CHSY3: variants seen among roughly 807,000 people sequenced by gnomAD.
CHSY3 encodes N-acetylgalactosaminyl-proteoglycan 3-beta-glucuronosyltransferase 3.
In CHSY3, 35 loss-of-function variants were observed where a neutral mutation model predicts 67.2. The observed-to-expected ratio is 0.52, with a 90% confidence interval of 0.40 to 0.69. The LOEUF (loss-of-function observed/expected upper bound fraction) is 0.69, where lower values mean the gene tolerates loss of function less well. CHSY3 is among the 30% of genes least tolerant of loss of function. The pLI is 0.00. For synonymous variants in CHSY3, 474 were observed against 434.7 expected (o/e 1.09, Z -1.12); for missense variants, 1,069 against 1,138.5 (o/e 0.94, Z 0.88).
intron 2 of CHSY3, among the ~76,000 whole-genome samples, chr5:129,924,785 G>T (rs563102180): frequency 6.6e-6 from 1 of 152,152 alleles, no homozygotes; most frequent in Admixed American, 6.5e-5. Flanking sequence ...AGAAGTGCAT[G>T]CACTTCTATG....
chr5:130,050,814 G>A (rs1765319615), intron 2 of CHSY3, among the ~76,000 whole-genome samples: 1 of 152,162 alleles, frequency 6.6e-6, no homozygotes, highest in Admixed American at 6.6e-5. Context: ...AGGAAAACCA[G>A]CCAGCAGAAT....
chr5:130,075,357 G>T (rs73785870), intron 2 of CHSY3, among the ~76,000 whole-genome samples: 75 of 152,186 alleles, frequency 4.9e-4, no homozygotes, highest in African/African-American at 1.8e-3. Flanking sequence ...AATTCAAAGA[G>T]ATGGGTCTCT....
intron 2 of CHSY3, among the ~76,000 whole-genome samples, chr5:130,183,673 C>G (rs1770317124): frequency 6.6e-6 from 1 of 152,052 alleles, no homozygotes; most frequent in African/African-American, 2.4e-5. Flanking sequence ...CATTTGTGCT[C>G]TCACTCATAT....
At chr5:130,099,653 G>A (rs933884746) in intron 2 of CHSY3, among the ~76,000 whole-genome samples, 1 of 152,118 alleles carries the variant, frequency 6.6e-6, no homozygotes, top group Non-Finnish European at 1.5e-5. Context: ...TTTTGCACTG[G>A]TGTGAGGAGC....
At chr5:129,905,908 T>TACACA in intron 1 of CHSY3, 36 of 627,212 alleles carry the variant, frequency 5.7e-5, no homozygotes, top group South Asian at 1.8e-4. Flanking sequence ...TCCCTTAGTC[T>TACACA]TTACCTCGTC....
intron 2 of CHSY3, among the ~76,000 whole-genome samples, chr5:130,034,885 C>G (rs1422036667): frequency 6.6e-6 from 1 of 151,884 alleles, no homozygotes; most frequent in Non-Finnish European, 1.5e-5. Flanking sequence ...ATAGCAAGTG[C>G]AAAGGTTTTG....
At chr5:129,947,609 G>A (rs555950734) in intron 2 of CHSY3, among the ~76,000 whole-genome samples, 3 of 140,162 alleles carry the variant, frequency 2.1e-5, no homozygotes, top group Admixed American at 1.5e-4. Context: ...AGCACATAGC[G>A]AGACTCCATC....
At chr5:130,123,909 A>T (rs1414575926) in intron 2 of CHSY3, among the ~76,000 whole-genome samples, 1 of 151,854 alleles carries the variant, frequency 6.6e-6, no homozygotes, top group South Asian at 2.1e-4. Flanking sequence ...TACAAAAAAA[A>T]TTAGCCGGGT....
chr5:129,932,125 T>TAA (rs1172344588), intron 2 of CHSY3, among the ~76,000 whole-genome samples: 7 of 143,728 alleles, frequency 4.9e-5, no homozygotes, highest in African/African-American at 1.8e-4. Context: ...TATATATATA[T>TAA]ATATATATAT....
chr5:130,067,928 C>G (rs1049306626), intron 2 of CHSY3, among the ~76,000 whole-genome samples: 1 of 152,088 alleles, frequency 6.6e-6, no homozygotes. Context: ...TAAATCCAAG[C>G]CATAGTTTAG....
chr5:130,052,173 TACTGG>T (rs1194467842), intron 2 of CHSY3: 1 of 152,114 alleles, frequency 6.6e-6, no homozygotes, highest in Non-Finnish European at 1.5e-5. Flanking sequence ...TAGACAGAGG[TACTGG>T]ACTCCCTGTC....
chr5:130,013,896 G>A (rs10223209), intron 2 of CHSY3, among the ~76,000 whole-genome samples: 1 of 152,106 alleles, frequency 6.6e-6, no homozygotes, highest in Non-Finnish European at 1.5e-5. Context: ...CGCATCATCA[G>A]GCGGAAAATT....
intron 2 of CHSY3, among the ~76,000 whole-genome samples, chr5:129,919,113 C>CAAA (rs35333880): frequency 0.21 from 14,668 of 71,448 alleles, 2,688 homozygotes; most frequent in South Asian, 0.28. Flanking sequence ...GACTCCGTCT[C>CAAA]AAAAAAAAAA....
intron 2 of CHSY3, among the ~76,000 whole-genome samples, chr5:129,986,239 G>A (rs1370094362): frequency 6.6e-6 from 1 of 152,134 alleles, no homozygotes; most frequent in Non-Finnish European, 1.5e-5. Flanking sequence ...AACATGAAGG[G>A]ATGTTGAATT....
intron 2 of CHSY3, among the ~76,000 whole-genome samples, chr5:130,131,099 A>C (rs148263685): frequency 6.6e-6 from 1 of 152,194 alleles, no homozygotes; most frequent in Non-Finnish European, 1.5e-5. Context: ...TATTCCCAGA[A>C]AGGACTGAAC....
intron 2 of CHSY3, among the ~76,000 whole-genome samples, chr5:130,082,210 A>G (rs913768236): frequency 2.0e-5 from 3 of 152,078 alleles, no homozygotes; most frequent in Non-Finnish European, 4.4e-5. Context: ...TATGGTCACA[A>G]TCTTAAAAGG....
intron 2 of CHSY3, among the ~76,000 whole-genome samples, chr5:130,164,243 A>G (rs1028010444): frequency 6.6e-6 from 1 of 152,192 alleles, no homozygotes; most frequent in Non-Finnish European, 1.5e-5. Flanking sequence ...AGATACTTGT[A>G]ATAATTCAAA....
intron 2 of CHSY3, among the ~76,000 whole-genome samples, chr5:129,998,129 G>A (rs1188896522): frequency 6.6e-6 from 1 of 152,132 alleles, no homozygotes; most frequent in Non-Finnish European, 1.5e-5. Context: ...CCCACCAACA[G>A]TGTAAAAGCA....
intron 2 of CHSY3, among the ~76,000 whole-genome samples, chr5:129,930,396 G>A (rs1036974092): frequency 6.7e-6 from 1 of 149,716 alleles, no homozygotes; most frequent in African/African-American, 2.5e-5. Flanking sequence ...GAAGAGTGTA[G>A]CTATGGAAAC....
Sources: gnomAD v4.1 joint callset for allele counts (sites outside exome capture counted in the v4.1 genomes callset) on GRCh38, gnomAD v4.1.1 for gene constraint, MANE v1.5 for transcripts, NCBI Gene and HGNC (gene_info 2026-07-23, HGNC 2026-07-21) for gene names.